ACOD1: variants seen among roughly 807,000 people sequenced by gnomAD.
ACOD1 encodes aconitate decarboxylase 1.
A neutral mutation model predicts 14.2 loss-of-function variants in ACOD1; 14 were observed. The observed-to-expected ratio is 0.99, with a 90% CI of 0.65 to 1.54. The LOEUF is 1.54. Ranked by LOEUF, ACOD1 falls within the 40% of genes most tolerant of loss-of-function variation. The pLI is 0.00. For missense variants in ACOD1, 530 were observed against 586.3 expected (o/e 0.90, Z 0.99); for synonymous variants, 182 against 221.7 (o/e 0.82, Z 1.59).
intron 3 of ACOD1, among the ~76,000 whole-genome samples, chr13:76,954,453 A>C (rs2033852192): frequency 6.6e-6 from 1 of 152,252 alleles, no homozygotes; most frequent in African/African-American, 2.4e-5. Context: ...ATAAGATCTT[A>C]AAGCAGAAAA....
chr13:76,957,147 C>T lies in ACOD1; in HGVS notation c.608C>T (p.Ala203Val), dbSNP rs966231606. Residue 203 changes from alanine (A) to valine (V), a missense_variant, in exon 5 of 5, where the codon GCC becomes GTC. Ala to Val is a moderately conservative substitution (Grantham distance 64). Coordinates refer to ENST00000377462, the MANE Select transcript of ACOD1 (RefSeq NM_001258406.2). ...SHAGAPMANA[A>V]TQTKPLHIGN... is the part of the protein sequence containing the mutation. ...GCTGGGGCACCCATGGCCAATGCTG[C>T]CACCCAGACCAAGCCCCTCCACATT... 5.8e-6 allele frequency: 9 copies of T among 1,550,544 alleles called. No homozygotes were observed. The Admixed American group carries it at 7.8e-5, about 14-fold the overall frequency.
At chr13:76,950,004 C>T (rs1457942664) in intron 1 of ACOD1, among the ~76,000 whole-genome samples, 1 of 152,110 alleles carries the variant, frequency 6.6e-6, no homozygotes, top group Non-Finnish European at 1.5e-5. Flanking sequence ...CTATCAAAGC[C>T]CTCAGAGACA....
rs1482990494 is a variant in ACOD1, at chr13:76,958,267, A to G, written c.*282A>G. 3 of 308,840 alleles carry G rather than the reference A, an allele frequency of 9.7e-6. No homozygotes were observed. Among genetic ancestry groups the G allele is most frequent in the Non-Finnish European group, 1.8e-5 (3 of 166,638 alleles). 19.1% of individuals were successfully genotyped at this position (308,840 alleles called of 1,614,324 possible). A position where few individuals can be genotyped will look rare whatever the true frequency, so the allele number is the denominator to read the frequency against. ...ATTTACTTATAAAATTAATCTCTTCATAGGAATTATGTGTGGACTTCATGA... is the reference window on the plus strand; with the variant it reads ...ATTTACTTATAAAATTAATCTCTTCGTAGGAATTATGTGTGGACTTCATGA... On this transcript the variant is annotated 3_prime_UTR_variant, in exon 5 of 5. Coordinates refer to ENST00000377462, the MANE Select transcript of ACOD1 (RefSeq NM_001258406.2).
rs2033899573 is a variant in ACOD1 at position 76,958,124 on chromosome 13, G to A, written c.*139G>A. 2 of 820,520 alleles carry A rather than the reference G, an allele frequency of 2.4e-6. No individual in the cohort carries two copies. Among genetic ancestry groups the A allele is most frequent in the Admixed American group, 3.4e-5 (1 of 29,294 alleles). 50.8% of individuals were successfully genotyped at this position (820,520 alleles called of 1,614,324 possible). ...CCAGAAACAGAACTACATATATCTG[G>A]AAGGAGCCTTCTCCTGAAAATTTTG... On this transcript the variant is annotated 3_prime_UTR_variant, in exon 5 of 5. Coordinates refer to ENST00000377462, the MANE Select transcript of ACOD1 (RefSeq NM_001258406.2).
chr13:76,952,697 T>C (rs1205502913), intron 2 of ACOD1, 47 bp downstream of exon 2: 1 of 1,489,382 alleles, frequency 6.7e-7, no homozygotes, highest in South Asian at 1.3e-5. Context: ...AGTGCATACA[T>C]ATGTGTTACA....
In ACOD1 at chr13:76,957,121, T is replaced by C. The variant is rs767607718; in HGVS notation, c.582T>C (p.His194=). Residue 194 remains histidine, a synonymous_variant, in exon 5 of 5, where the codon CAT becomes CAC. Coordinates refer to ENST00000377462, the MANE Select transcript of ACOD1 (RefSeq NM_001258406.2). ...AAGCTCTGGCCATTGCTGTTTCCCA[T>C]GCTGGGGCACCCATGGCCAATGCTG... ...CREALAIAVS[H]AGAPMANAAT... is the part of the protein sequence containing the mutation. 1.2e-4 allele frequency: 191 copies of C among 1,550,668 alleles called. No individual in the cohort carries two copies. Among genetic ancestry groups the C allele is most frequent in the African/African-American group, 7.0e-4 (51 of 73,198 alleles).
rs1566205895 is a variant in ACOD1 at position 76,952,533 on chromosome 13, G to A, written c.57G>A (p.Val19=). 1.3e-6 allele frequency: 2 copies of A among 1,550,412 alleles called. No individual in the cohort carries two copies. Among genetic ancestry groups the A allele is most frequent in the East Asian group, 4.9e-5 (2 of 40,886 alleles). ...SFATAIHGLK[V]GHLTDRVIQR... ...CCACAGCAATCCATGGCTTGAAAGTGGGACACCTGACAGATCGTGTTATTC... is the reference window on the plus strand; with the variant it reads ...CCACAGCAATCCATGGCTTGAAAGTAGGACACCTGACAGATCGTGTTATTC... The change falls in exon 2 of 5, where the codon GTG becomes GTA. Residue 19 remains valine, a synonymous_variant. Coordinates refer to ENST00000377462, the MANE Select transcript of ACOD1 (RefSeq NM_001258406.2).
chr13:76,956,129 G>A (rs1381590849), intron 4 of ACOD1, among the ~76,000 whole-genome samples: 4 of 152,210 alleles, frequency 2.6e-5, no homozygotes, highest in Admixed American at 1.3e-4. Context: ...CTCACTATGT[G>A]CTAGCACTAT....
intron 1 of ACOD1, among the ~76,000 whole-genome samples, chr13:76,951,238 A>AT (rs928890635): frequency 1.1e-4 from 16 of 152,020 alleles, no homozygotes; most frequent in Non-Finnish European, 4.4e-5. Context: ...AATATATTGA[A>AT]TTTTTTTTAT....
rs1223063023 is a variant in ACOD1 at position 76,957,209 on chromosome 13, T to C, written c.670T>C (p.Leu224=). Residue 224 remains leucine (L), a synonymous_variant, in exon 5 of 5, where the codon TTG becomes CTG. Transcript: ENST00000377462. Reference sequence around the variant, plus strand: ...CAAGCATGGGATAGAAGCTGCATTTTTGGCAATGTTGGGTCTCCAAGGAAA... The same window carrying C: ...CAAGCATGGGATAGAAGCTGCATTTCTGGCAATGTTGGGTCTCCAAGGAAA... ...AAKHGIEAAF[L]AMLGLQGNKQ... 2 of 1,550,536 alleles carry C rather than the reference T, an allele frequency of 1.3e-6. No homozygotes were observed. The highest frequency in any genetic ancestry group is 2.0e-5 in the Admixed American group (1 of 50,990).
intron 1 of ACOD1, among the ~76,000 whole-genome samples, chr13:76,950,076 A>T (rs538932691): frequency 6.6e-6 from 1 of 152,246 alleles, no homozygotes; most frequent in African/African-American, 2.4e-5. Flanking sequence ...ACCTGACATG[A>T]GGCTCTGTAA....
In ACOD1 at chr13:76,957,896, G is replaced by C. The variant is rs1272258687; in HGVS notation, c.1357G>C (p.Val453Leu). Residue 453 changes from valine (V) to leucine (L), a missense_variant, in exon 5 of 5, where the codon GTG becomes CTG. Transcript: ENST00000377462. ...KNLEDLEDCSVLTTLLKGPSP... is the reference protein window; with the variant it reads ...KNLEDLEDCSLLTTLLKGPSP... ...TCTAGAAGACCTAGAAGACTGTTCT[G>C]TGTTAACTACACTTCTCAAAGGACC... The C allele has an allele frequency of 6.4e-7, 1 of 1,550,734 alleles. No homozygotes were observed. The highest frequency in any genetic ancestry group is 8.7e-7 in the Non-Finnish European group (1 of 1,147,004).
intron 1 of ACOD1, among the ~76,000 whole-genome samples, 160 bp downstream of exon 1, chr13:76,948,730 A>G (rs2033793065): frequency 6.6e-6 from 1 of 152,188 alleles, no homozygotes; most frequent in African/African-American, 2.4e-5. Context: ...GGTGGCTTTC[A>G]TTACTGTTTT....
chr13:76,956,908 C>T, intron 4 of ACOD1, 102 bp from the exon 5 acceptor site: 1 of 1,250,556 alleles, frequency 8.0e-7, no homozygotes, highest in African/African-American at 1.5e-5. Context: ...GATCTGAACC[C>T]AGACAGTGTG....
chr13:76,950,814 G>C (rs1436189896), intron 1 of ACOD1, among the ~76,000 whole-genome samples: 2 of 152,124 alleles, frequency 1.3e-5, no homozygotes, highest in Admixed American at 6.5e-5. Flanking sequence ...ACAGCACTTT[G>C]GCTCCCCATT....
intron 3 of ACOD1, among the ~76,000 whole-genome samples, chr13:76,954,938 C>T (rs984145859): frequency 5.3e-5 from 8 of 151,876 alleles, no homozygotes; most frequent in Non-Finnish European, 1.0e-4. Flanking sequence ...ACCACCCTGG[C>T]CAACATAGTG....
In ACOD1 at chr13:76,956,862, C is replaced by G. The variant is rs946046228; in HGVS notation, c.471-148C>G. The stretch of plus-strand genomic sequence containing the variant: ...CTCTACAGAGAAGTTGAATAATTTT[C>G]CCCAGATCATATAGCTAATAAAGTA... On this transcript the variant is annotated intron_variant, in intron 4 of 4. Coordinates refer to ENST00000377462, the MANE Select transcript of ACOD1 (RefSeq NM_001258406.2). 3 of 881,030 alleles carry G rather than the reference C, an allele frequency of 3.4e-6. No homozygotes were observed. The African/African-American group carries it at 5.1e-5, about 15-fold the overall frequency. 54.6% of individuals were successfully genotyped at this position (881,030 alleles called of 1,614,324 possible).
rs139707317 is a variant in ACOD1, at chr13:76,951,282, C to T, written c.13-1207C>T. On this transcript the variant is annotated intron_variant, in intron 1 of 4. Transcript: ENST00000377462. ...GAGGAGTCTCACTCTGTTGCCCAGG[C>T]GGGAGTGCGGTGGCATGATCTCAGC... Among the ~76,000 whole-genome samples, 12 of 152,276 alleles carry T rather than the reference C, an allele frequency of 7.9e-5. No individual in the cohort carries two copies. In the East Asian group the frequency reaches 1.3e-3, roughly 17 times the overall value.
rs2033893331 is a variant in ACOD1, at chr13:76,957,644, G to T, written c.1105G>T (p.Val369Leu). The change falls in exon 5 of 5, where the codon GTG (valine) becomes TTG (leucine). Residue 369 changes from valine to leucine, a missense_variant. By Grantham distance (32) the Val-to-Leu change is conservative. Transcript: ENST00000377462. ...RPQVRELLSK[V>L]ELEYPPDNLP... ...ACAGGTGAGAGAGCTGCTCAGTAAG[G>T]TGGAGCTGGAGTACCCTCCGGACAA... is the stretch of plus-strand genomic sequence containing the variant. 6.4e-7 allele frequency: 1 copy of T among 1,550,612 alleles called. No homozygotes were observed. Among genetic ancestry groups the T allele is most frequent in the Non-Finnish European group, 8.7e-7 (1 of 1,147,018 alleles).
Sources: gnomAD v4.1 joint callset for allele counts (sites outside exome capture counted in the v4.1 genomes callset) on GRCh38, gnomAD v4.1.1 for gene constraint, MANE v1.5 for transcripts, NCBI Gene and HGNC (gene_info 2026-07-23, HGNC 2026-07-21) for gene names.